DENND2C: variants seen among roughly 807,000 people sequenced by gnomAD.
DENND2C encodes the protein DENN domain-containing protein 2C.
A neutral mutation model predicts 112.4 loss-of-function variants in DENND2C; 72 were observed. That is an observed-to-expected ratio of 0.64 (90% CI 0.53 to 0.78). The LOEUF (loss-of-function observed/expected upper bound fraction) is 0.78, where lower values mean the gene tolerates loss of function less well. Among genes scored for constraint, DENND2C ranks in the 30% least tolerant of loss-of-function variants. The probability of loss-of-function intolerance (pLI) is 0.00; values close to 1 mark genes in which losing one functional copy is unlikely to be tolerated. For missense variants in DENND2C, 992 were observed against 1,113.8 expected, an observed-to-expected ratio of 0.89 and a Z score of 1.56; for synonymous variants, 329 against 381.6, an observed-to-expected ratio of 0.86 and a Z score of 1.61.
chr1:114,656,092 G>T (rs202013628), intron 1 of DENND2C, among the ~76,000 whole-genome samples: 1 of 151,660 alleles, frequency 6.6e-6, no homozygotes, highest in East Asian at 1.9e-4. Flanking sequence ...TCGGAGATGG[G>T]GGTCTTGCTC....
intron 3 of DENND2C, among the ~76,000 whole-genome samples, chr1:114,637,228 A>G (rs1489442050): frequency 6.6e-6 from 1 of 151,160 alleles, no homozygotes; most frequent in Admixed American, 6.6e-5. Flanking sequence ...TTAGCCTCCC[A>G]AAGTGGTAGG....
chr1:114,606,231 AAAAC>A (rs1655654631), intron 10 of DENND2C, among the ~76,000 whole-genome samples: 1 of 152,216 alleles, frequency 6.6e-6, no homozygotes, highest in Non-Finnish European at 1.5e-5. Context: ...TTCTTAAAAA[AAAAC>A]AAACTATGTA....
chr1:114,602,156 C>G lies in DENND2C; in HGVS notation c.1706G>C (p.Ser569Thr), dbSNP rs780344933. The change falls in exon 12 of 21, where the codon AGC becomes ACC. Residue 569 changes from serine to threonine, a missense_variant. By Grantham distance (58) the Ser-to-Thr change is moderately conservative. Coordinates refer to ENST00000393274, the MANE Select transcript of DENND2C (RefSeq NM_001256404.2). ...FSFVLTGEDG[S>T]RWFGYCKKLL... ...CTTCTTACAGTAACCAAACCACCGG[C>G]TTCCATCTTCACCAGTCAAGACAAA... 17 of 1,613,830 alleles carry G rather than the reference C, an allele frequency of 1.1e-5. No individual in the cohort carries two copies. In the Admixed American group the frequency reaches 1.3e-4, roughly 13 times the overall value.
rs781290904 is a variant in DENND2C, at chr1:114,623,593, T to C, written c.857A>G (p.Gln286Arg). The change falls in exon 5 of 21, where the codon CAG becomes CGG. Residue 286 changes from glutamine to arginine, a missense_variant. Physicochemically the swap from Gln to Arg is conservative, Grantham distance 43 (BLOSUM62 1). Around this residue, in one of 3 missense-constraint regions of DENND2C, gnomAD observed 470 missense variants for 472.7 expected, o/e 0.99. Coordinates refer to ENST00000393274, the MANE Select transcript of DENND2C (RefSeq NM_001256404.2). ...DIQHFRNRNS[Q>R]TIREELGRNS... ...TCTTCCAAGTTCTTCACGAATCGTC[T>C]GTGAGTTCCGATTTCGAAAGTGCTG... is the stretch of plus-strand genomic sequence containing the variant. The C allele has an allele frequency of 1.2e-6, 2 of 1,608,092 alleles. No homozygotes were observed. Among genetic ancestry groups the C allele is most frequent in the Non-Finnish European group, 8.5e-7 (1 of 1,177,176 alleles).
chr1:114,650,471 T>C (rs1176914702), intron 2 of DENND2C, among the ~76,000 whole-genome samples: 2 of 150,910 alleles, frequency 1.3e-5, no homozygotes, highest in Non-Finnish European at 2.9e-5. Flanking sequence ...GAGACCATCC[T>C]GGCTAATGCA....
chr1:114,597,598 A>G (rs1400978199), intron 16 of DENND2C, among the ~76,000 whole-genome samples: 1 of 152,146 alleles, frequency 6.6e-6, no homozygotes, highest in African/African-American at 2.4e-5. Flanking sequence ...CCTGGCCAAC[A>G]TCGTGAAACC....
At chr1:114,585,834 A>G (rs76744724) in intron 20 of DENND2C, among the ~76,000 whole-genome samples, 4,012 of 152,324 alleles carry the variant, frequency 0.026, 94 homozygotes, top group Non-Finnish European at 0.034. Context: ...GTAGCGGCAG[A>G]AAAGAACTCA....
chr1:114,600,612 T>C (rs1655474437), intron 14 of DENND2C, among the ~76,000 whole-genome samples: 1 of 152,200 alleles, frequency 6.6e-6, no homozygotes, highest in Non-Finnish European at 1.5e-5. Context: ...ACTCAGTCTA[T>C]GTATGGTAGA....
chr1:114,629,450 T>C (rs1213858714), intron 3 of DENND2C, among the ~76,000 whole-genome samples: 1 of 152,114 alleles, frequency 6.6e-6, no homozygotes, highest in East Asian at 1.9e-4. Flanking sequence ...GCTAGTTTTT[T>C]ATGTTTTTAG....
chr1:114,597,041 T>C (rs1199316609), intron 16 of DENND2C, among the ~76,000 whole-genome samples: 1 of 152,182 alleles, frequency 6.6e-6, no homozygotes, highest in Non-Finnish European at 1.5e-5. Flanking sequence ...CGAAAAAGAT[T>C]GATAATTTTA....
chr1:114,624,730 T>G (rs914690838), intron 4 of DENND2C, among the ~76,000 whole-genome samples: 2 of 151,966 alleles, frequency 1.3e-5, no homozygotes, highest in Non-Finnish European at 2.9e-5. Context: ...CAAGCGTTTC[T>G]TCTGCCTCAG....
intron 16 of DENND2C, among the ~76,000 whole-genome samples, chr1:114,596,769 A>G (rs1235490230): frequency 6.6e-6 from 1 of 151,996 alleles, no homozygotes; most frequent in East Asian, 1.9e-4. Context: ...TAAATTTTTT[A>G]TTTTTTAAAA....
At chr1:114,621,235 C>T (rs59979247) in intron 7 of DENND2C, among the ~76,000 whole-genome samples, 1 of 151,732 alleles carries the variant, frequency 6.6e-6, no homozygotes, top group African/African-American at 2.4e-5. Flanking sequence ...CCAGCCTGGG[C>T]AATATAGCGA....
intron 6 of DENND2C, among the ~76,000 whole-genome samples, chr1:114,622,376 A>G (rs145388191): frequency 0.026 from 4,011 of 152,012 alleles, 95 homozygotes; most frequent in Non-Finnish European, 0.034. Flanking sequence ...TCAGCCTCCC[A>G]AAGTTCTGGG....
intron 1 of DENND2C, among the ~76,000 whole-genome samples, chr1:114,669,390 T>A (rs1160711603): frequency 6.6e-6 from 1 of 152,174 alleles, no homozygotes; most frequent in Non-Finnish European, 1.5e-5. Flanking sequence ...GACTTGAGCC[T>A]TTTGACTCAT....
At chr1:114,624,169 A>G (rs1656266008) in intron 4 of DENND2C, among the ~76,000 whole-genome samples, 2 of 152,240 alleles carry the variant, frequency 1.3e-5, no homozygotes, top group Non-Finnish European at 1.5e-5. Flanking sequence ...CTTGTAGCCA[A>G]TCACATTCAT....
In DENND2C at chr1:114,635,665, T is replaced by C. The variant is rs1168268848; in HGVS notation, c.-204-9477A>G. ...GGGCAAAAAACTTAGAAAAGAAAAA[T>C]ACAGAATAATATAACTCATGAACAT... On this transcript the variant is annotated intron_variant, in intron 3 of 20. Transcript: ENST00000393274. 2.0e-5 allele frequency among the ~76,000 whole-genome samples: 3 copies of C among 151,988 alleles called. 1 individual carries two copies. Among genetic ancestry groups the C allele is most frequent in the Non-Finnish European group, 4.4e-5 (3 of 67,988 alleles).
At chr1:114,642,108 C>T (rs1054216052) in intron 3 of DENND2C, among the ~76,000 whole-genome samples, 7 of 152,086 alleles carry the variant, frequency 4.6e-5, no homozygotes, top group Admixed American at 2.0e-4. Flanking sequence ...TATGCCACCA[C>T]GCCCAGCTAA....
At position 114,599,386 on chromosome 1, in the gene DENND2C, T is replaced by C. The variant is rs758697521; in HGVS notation, c.2171A>G (p.Tyr724Cys). 6 of 1,614,016 alleles carry C rather than the reference T, an allele frequency of 3.7e-6. No homozygotes were observed. The South Asian group carries it at 4.4e-5, about 12-fold the overall frequency. Residue 724 changes from tyrosine to cysteine, a missense_variant, in exon 16 of 21, where the codon TAT (tyrosine) becomes TGT (cysteine). This residue lies in a region of DENND2C where 516 missense variants were observed against 623.6 expected (regional missense o/e 0.83). Transcript: ENST00000393274. ...CATAGATGCTGGCAGGACTGGGATA[T>C]AGGTATGCTGCCAGGTGAACGGATA... ...TLYPFTWQHT[Y>C]IPVLPASMID...
Sources: gnomAD v4.1 joint callset for allele counts (sites outside exome capture counted in the v4.1 genomes callset) on GRCh38, gnomAD v4.1.1 for gene constraint, gnomAD v4.1.1 regional missense constraint, MANE v1.5 for transcripts, NCBI Gene and HGNC (gene_info 2026-07-23, HGNC 2026-07-21) for gene names.